Variants in SORCS2 observed in about 807,000 individuals in gnomAD.
The protein encoded by SORCS2 is sortilin related VPS10 domain containing receptor 2.
A neutral mutation model predicts 141.6 loss-of-function variants in SORCS2; 100 were observed. That is an observed-to-expected ratio of 0.71 (90% CI 0.60 to 0.83). SORCS2 has a LOEUF of 0.83. Among genes scored for constraint, SORCS2 ranks in the 40% least tolerant of loss-of-function variants. SORCS2 has a pLI of 0.00. For missense variants in SORCS2, 1,646 were observed against 1,560.2 expected, an observed-to-expected ratio of 1.05 and a Z score of -0.93; for synonymous variants, 789 against 676.9, an observed-to-expected ratio of 1.17 and a Z score of -2.57.
chr4:7,381,632 G>A (rs1723000064), intron 1 of SORCS2, among the ~76,000 whole-genome samples: 2 of 152,132 alleles, frequency 1.3e-5, no homozygotes, highest in Non-Finnish European at 2.9e-5. Context: ...CTTACTCACA[G>A]AATGATGTAA....
chr4:7,238,777 T>C (rs974686490), intron 1 of SORCS2, among the ~76,000 whole-genome samples: 1 of 152,084 alleles, frequency 6.6e-6, no homozygotes, highest in Non-Finnish European at 1.5e-5. Flanking sequence ...CTCTCTGGAG[T>C]CTGTGGCTGA....
rs867608009 is a variant in SORCS2 at position 7,675,921 on chromosome 4, C to T, written c.1162-129C>T. The T allele has an allele frequency of 1.5e-4, 163 of 1,088,100 alleles. No homozygotes were observed. In the African/African-American group the frequency reaches 2.4e-3, roughly 16 times the overall value. The allele number at this position is 1,088,100 out of a possible 1,614,324, so 67.4% of individuals were successfully genotyped here. On this transcript the variant is annotated intron_variant, in intron 8 of 26. Coordinates refer to ENST00000507866, the MANE Select transcript of SORCS2 (RefSeq NM_020777.3). ...CAGAGCAGCCGAGCCAGGAGGCAAA[C>T]CTAGGCCAGGCTGGCTCCAGGAGAG...
At chr4:7,722,125 TG>T (rs1214022660) in intron 18 of SORCS2, among the ~76,000 whole-genome samples, 1 of 152,204 alleles carries the variant, frequency 6.6e-6, no homozygotes, top group African/African-American at 2.4e-5. Context: ...GCGCAGCCCT[TG>T]AAGGCAGGAA....
At chr4:7,600,092 G>T (rs149905039) in intron 3 of SORCS2, among the ~76,000 whole-genome samples, 1,957 of 152,236 alleles carry the variant, frequency 0.013, 40 homozygotes, top group African/African-American at 0.045. Context: ...AAACTGCTGG[G>T]ATTACAGCCA....
At chr4:7,218,345 G>T (rs548748601) in intron 1 of SORCS2, among the ~76,000 whole-genome samples, 3 of 152,160 alleles carry the variant, frequency 2.0e-5, no homozygotes, top group Non-Finnish European at 4.4e-5. Flanking sequence ...TAGCCATAAA[G>T]GAAATTAGTT....
At chr4:7,234,507 G>A (rs1234267669) in intron 1 of SORCS2, among the ~76,000 whole-genome samples, 1 of 152,220 alleles carries the variant, frequency 6.6e-6, no homozygotes, top group African/African-American at 2.4e-5. Flanking sequence ...CCTCTCTGGG[G>A]TATCACTGGG....
intron 2 of SORCS2, among the ~76,000 whole-genome samples, chr4:7,464,374 C>T (rs552538450): frequency 3.6e-4 from 55 of 152,206 alleles, no homozygotes; most frequent in Middle Eastern, 3.4e-3. Context: ...AGAGGCTGCC[C>T]GAGCTCTGGA....
intron 1 of SORCS2, among the ~76,000 whole-genome samples, chr4:7,331,047 G>A (rs1719624696): frequency 6.6e-6 from 1 of 152,100 alleles, no homozygotes; most frequent in Non-Finnish European, 1.5e-5. Flanking sequence ...AATGGCAGAA[G>A]CAGAGGCCTG....
Position 7,379,958 on chromosome 4 carries a change from C to T in SORCS2, c.481-16330C>T, listed in dbSNP as rs116836275. On this transcript the variant is annotated intron_variant, in intron 1 of 26. Transcript: ENST00000507866. ...TGATTTGTCTCCTCCTGGTCCCTGG[C>T]TCCCCATCCCCAGTCTGCCGGTTCC... 1.2e-3 allele frequency among the ~76,000 whole-genome samples: 181 copies of T among 152,368 alleles called. 1 individual carries two copies. Among genetic ancestry groups the T allele is most frequent in the African/African-American group, 4.0e-3 (168 of 41,588 alleles).
intron 2 of SORCS2, chr4:7,434,102 G>C: frequency 6.2e-7 from 1 of 1,611,804 alleles, no homozygotes; most frequent in Non-Finnish European, 8.5e-7. Context: ...AAACGGGCAG[G>C]TGCCCCTAGC....
At chr4:7,448,700 C>T (rs1423803163) in intron 2 of SORCS2, among the ~76,000 whole-genome samples, 1 of 136,718 alleles carries the variant, frequency 7.3e-6, no homozygotes, top group Non-Finnish European at 1.6e-5. Flanking sequence ...CTCTCTCTGC[C>T]TTCCTCTCCC....
chr4:7,554,948 G>A (rs1372291910), intron 3 of SORCS2, among the ~76,000 whole-genome samples: 1 of 152,176 alleles, frequency 6.6e-6, no homozygotes, highest in East Asian at 1.9e-4. Flanking sequence ...CCAAGGCATG[G>A]AGGCTCAGGT....
At chr4:7,347,162 G>T (rs2108999071) in intron 1 of SORCS2, among the ~76,000 whole-genome samples, 1 of 152,302 alleles carries the variant, frequency 6.6e-6, no homozygotes, top group East Asian at 1.9e-4. Context: ...TTGCCCAAGG[G>T]AAGCTGTCAG....
chr4:7,334,593 C>T (rs1299586598), intron 1 of SORCS2, among the ~76,000 whole-genome samples: 2 of 152,172 alleles, frequency 1.3e-5, no homozygotes, highest in African/African-American at 4.8e-5. Context: ...AGTAGGGTCA[C>T]CTGGACCTTG....
chr4:7,589,296 T>C (rs1716752777), intron 3 of SORCS2, among the ~76,000 whole-genome samples: 1 of 152,152 alleles, frequency 6.6e-6, no homozygotes, highest in Non-Finnish European at 1.5e-5. Flanking sequence ...GCATAGAACA[T>C]ATGGTATTTG....
At chr4:7,490,384 G>A (rs1266101890) in intron 2 of SORCS2, among the ~76,000 whole-genome samples, 1 of 152,112 alleles carries the variant, frequency 6.6e-6, no homozygotes, top group African/African-American at 2.4e-5. Context: ...CCTTCCTTGA[G>A]GGAAGGGCAG....
At chr4:7,531,356 C>T (rs1230186566) in intron 2 of SORCS2, among the ~76,000 whole-genome samples, 174 bp from the exon 3 acceptor site, 1 of 152,232 alleles carries the variant, frequency 6.6e-6, no homozygotes, top group African/African-American at 2.4e-5. Context: ...AGCCCAGTCT[C>T]CTCTCCTGCC....
chr4:7,504,133 C>G (rs982168966), intron 2 of SORCS2, among the ~76,000 whole-genome samples: 1 of 152,232 alleles, frequency 6.6e-6, no homozygotes, highest in Non-Finnish European at 1.5e-5. Context: ...TGTCGCAGCT[C>G]ACAGCTGCGC....
intron 11 of SORCS2, among the ~76,000 whole-genome samples, chr4:7,694,423 C>T (rs774827138): frequency 2.4e-4 from 37 of 152,150 alleles, no homozygotes; most frequent in Non-Finnish European, 4.3e-4. Context: ...CTCCTTCTTT[C>T]CCCCGAGACT....
Sources: gnomAD v4.1 joint callset for allele counts (sites outside exome capture counted in the v4.1 genomes callset) on GRCh38, gnomAD v4.1.1 for gene constraint, MANE v1.5 for transcripts, NCBI Gene and HGNC (gene_info 2026-07-23, HGNC 2026-07-21) for gene names.